NELL1: variants seen among roughly 807,000 people sequenced by gnomAD.
NELL1 encodes protein kinase C-binding protein NELL1.
A neutral mutation model predicts 107.4 loss-of-function variants in NELL1; 76 were observed. That is an observed-to-expected ratio of 0.71 (90% CI 0.59 to 0.86). NELL1 has a LOEUF of 0.86. NELL1 is among the 40% of genes least tolerant of loss of function. The probability of loss-of-function intolerance (pLI) is 0.00; values close to 1 mark genes in which losing one functional copy is unlikely to be tolerated. For synonymous variants in NELL1, 353 were observed against 341.2 expected (o/e 1.03, Z -0.38); for missense variants, 1,024 against 1,005.5 (o/e 1.02, Z -0.25).
At chr11:21,071,741 A>G (rs1314116257) in intron 12 of NELL1, among the ~76,000 whole-genome samples, 1 of 152,222 alleles carries the variant, frequency 6.6e-6, no homozygotes, top group Non-Finnish European at 1.5e-5. Context: ...TGCAGACATC[A>G]GGAATCAAAG....
At chr11:21,460,374 TAAG>T (rs1161375572) in intron 15 of NELL1, among the ~76,000 whole-genome samples, 1 of 152,074 alleles carries the variant, frequency 6.6e-6, no homozygotes, top group Non-Finnish European at 1.5e-5. Context: ...CTAGCAATGT[TAAG>T]AGCCTGCAGC....
chr11:21,344,793 A>G (rs1894090), intron 14 of NELL1, among the ~76,000 whole-genome samples: 9,980 of 152,164 alleles, frequency 0.066, 451 homozygotes, highest in African/African-American at 0.12. Context: ...TGTTTCAGTG[A>G]ACTTCAAAGC....
intron 13 of NELL1, among the ~76,000 whole-genome samples, chr11:21,195,647 A>G (rs866417853): frequency 1.3e-5 from 2 of 151,864 alleles, no homozygotes; most frequent in East Asian, 3.9e-4. Flanking sequence ...TATTATTTCA[A>G]TATGTAGTCA....
chr11:21,261,687 T>G (rs965968326), intron 14 of NELL1, among the ~76,000 whole-genome samples: 3 of 151,874 alleles, frequency 2.0e-5, no homozygotes, highest in Non-Finnish European at 4.4e-5. Context: ...TTAACCTTTA[T>G]GCAGTACTGC....
At chr11:21,209,497 CTT>C (rs1270292420) in intron 13 of NELL1, among the ~76,000 whole-genome samples, 1 of 151,720 alleles carries the variant, frequency 6.6e-6, no homozygotes, top group Non-Finnish European at 1.5e-5. Flanking sequence ...CTAAGTATAA[CTT>C]TTGATGAGTT....
At chr11:20,830,295 A>AAACTG (rs1733557877) in intron 3 of NELL1, among the ~76,000 whole-genome samples, 1 of 152,012 alleles carries the variant, frequency 6.6e-6, no homozygotes, top group Admixed American at 6.6e-5. Context: ...CTCAACTGAG[A>AAACTG]AACTGCTTTT....
At chr11:21,511,453 A>C (rs1855432552) in intron 15 of NELL1, among the ~76,000 whole-genome samples, 1 of 152,146 alleles carries the variant, frequency 6.6e-6, no homozygotes, top group African/African-American at 2.4e-5. Flanking sequence ...ATGATGTTGG[A>C]TGAGAAAGAT....
chr11:21,239,958 C>G (rs1858310664), intron 14 of NELL1, among the ~76,000 whole-genome samples: 1 of 151,960 alleles, frequency 6.6e-6, no homozygotes, highest in African/African-American at 2.4e-5. Context: ...GTGGGAGGTC[C>G]AAGAAAAGGA....
intron 5 of NELL1, among the ~76,000 whole-genome samples, chr11:20,897,711 A>G (rs933564014): frequency 6.6e-6 from 1 of 152,198 alleles, no homozygotes; most frequent in African/African-American, 2.4e-5. Flanking sequence ...GAACTCAAAC[A>G]AATTTACAAG....
chr11:20,998,265 A>G (rs1852135441), intron 12 of NELL1, among the ~76,000 whole-genome samples: 1 of 152,188 alleles, frequency 6.6e-6, no homozygotes, highest in Non-Finnish European at 1.5e-5. Flanking sequence ...AGCCATGCAG[A>G]TATTACAAAA....
At chr11:20,892,941 A>C (rs1020897482) in intron 5 of NELL1, among the ~76,000 whole-genome samples, 5 of 152,130 alleles carry the variant, frequency 3.3e-5, no homozygotes, top group African/African-American at 7.2e-5. Context: ...AAAAAAAAAA[A>C]AAAAAACAGA....
At chr11:20,702,456 C>G (rs1854818913) in intron 2 of NELL1, among the ~76,000 whole-genome samples, 1 of 152,112 alleles carries the variant, frequency 6.6e-6, no homozygotes. Flanking sequence ...CATCTGCAAA[C>G]AGGGACAATT....
chr11:21,375,252 T>C (rs900990944), intron 15 of NELL1, among the ~76,000 whole-genome samples: 6 of 152,114 alleles, frequency 3.9e-5, no homozygotes, highest in Non-Finnish European at 1.5e-5. Flanking sequence ...GCCATCTTTA[T>C]GTCCATATTT....
At chr11:21,311,182 G>A (rs1003883755) in intron 14 of NELL1, among the ~76,000 whole-genome samples, 1 of 152,164 alleles carries the variant, frequency 6.6e-6, no homozygotes, top group East Asian at 1.9e-4. Flanking sequence ...ATGTTGCATT[G>A]CAAAGCAATA....
chr11:21,437,849 C>T (rs1853166142), intron 15 of NELL1, among the ~76,000 whole-genome samples: 1 of 152,076 alleles, frequency 6.6e-6, no homozygotes, highest in Admixed American at 6.5e-5. Flanking sequence ...ATCAGTTTAG[C>T]TAGTCTATAT....
chr11:21,127,898 C>T (rs917426247), intron 13 of NELL1, among the ~76,000 whole-genome samples: 1 of 152,132 alleles, frequency 6.6e-6, no homozygotes, highest in Non-Finnish European at 1.5e-5. Flanking sequence ...GCTGTTACTA[C>T]ATTAGAGAAG....
Position 20,961,591 on chromosome 11 carries a change from G to A in NELL1, c.1300+1031G>A, listed in dbSNP as rs552647506. ...ACAGTATTAACTGATGATAGTAATG[G>A]TAAATTCTTTCTATTCTCTATCTCA... On this transcript the variant is annotated intron_variant, in intron 12 of 19. Transcript: ENST00000357134. Among the ~76,000 whole-genome samples the A allele has an allele frequency of 9.9e-5, 15 of 152,228 alleles. No individual in the cohort carries two copies. The South Asian group carries it at 3.1e-3, about 32-fold the overall frequency.
intron 15 of NELL1, among the ~76,000 whole-genome samples, chr11:21,492,571 A>G (rs1210727863): frequency 2.6e-5 from 4 of 152,076 alleles, no homozygotes; most frequent in Admixed American, 6.6e-5. Flanking sequence ...CAGCCATAAA[A>G]AAGATGAGTT....
chr11:21,492,814 A>G (rs1005628726), intron 15 of NELL1, among the ~76,000 whole-genome samples: 55 of 151,664 alleles, frequency 3.6e-4, no homozygotes, highest in Non-Finnish European at 5.5e-4. Context: ...GTTAATGGGT[A>G]CAGCACACCA....
Sources: allele counts gnomAD v4.1 joint callset (sites outside exome capture counted in the v4.1 genomes callset), GRCh38; gene constraint gnomAD v4.1.1; transcripts MANE v1.5; gene names NCBI Gene and HGNC (gene_info 2026-07-23, HGNC 2026-07-21).